The following AMBRA1 variants were observed in gnomAD, a reference collection of about 807,000 sequenced individuals.
AMBRA1 encodes activating molecule in BECN1-regulated autophagy protein 1.
Under a neutral mutation model 125.4 loss-of-function variants are expected in AMBRA1, and 47 were observed. That is an observed-to-expected ratio of 0.37 (90% CI 0.30 to 0.48). The LOEUF (loss-of-function observed/expected upper bound fraction) is 0.48. AMBRA1 is among the 20% of genes least tolerant of loss of function. The probability of loss-of-function intolerance (pLI) is 0.99; values close to 1 mark genes in which losing one functional copy is unlikely to be tolerated. For synonymous variants in AMBRA1, 626 were observed against 655.5 expected, an observed-to-expected ratio of 0.95 and a Z score of 0.69; for missense variants, 1,331 against 1,693.4, an observed-to-expected ratio of 0.79 and a Z score of 3.76.
intron 4 of AMBRA1, among the ~76,000 whole-genome samples, chr11:46,546,331 C>T (rs573881779): frequency 9.0e-4 from 137 of 152,228 alleles, no homozygotes; most frequent in Admixed American, 1.6e-3. Context: ...TGAGCCACCG[C>T]GCCCAGCCCA....
intron 1 of AMBRA1, among the ~76,000 whole-genome samples, chr11:46,553,842 G>A (rs1342995445): frequency 1.3e-5 from 2 of 152,004 alleles, no homozygotes; most frequent in Non-Finnish European, 2.9e-5. Context: ...ACAAATTCTA[G>A]CCTGTATCCT....
chr11:46,487,000 G>A (rs562941104), intron 11 of AMBRA1, among the ~76,000 whole-genome samples: 4 of 151,292 alleles, frequency 2.6e-5, no homozygotes, highest in Admixed American at 2.0e-4. Flanking sequence ...GCTAACACCT[G>A]TAATCCCAGC....
Position 46,397,727 on chromosome 11 carries a change from TG to T in AMBRA1, c.3619del (p.Gln1207SerfsTer20), listed in dbSNP as rs1945524802. 6.2e-7 allele frequency: 1 copy of T among 1,612,968 alleles called. No individual in the cohort carries two copies. Among genetic ancestry groups the T allele is most frequent in the African/African-American group, 1.3e-5 (1 of 74,876 alleles). On this transcript the variant is annotated frameshift_variant, in exon 18 of 18. Coordinates refer to ENST00000683756, the MANE Select transcript of AMBRA1 (RefSeq NM_001387011.1). LOFTEE classifies it high-confidence loss of function. ...GAGCAGTCCCCGAGAGGTGGAGGGC[TG>T]GGGTGAGGAGGTGTGGGCGGCACCA... ...EPGAAHTSSP[Q>X]PSTSRGLLPE...
Position 46,582,141 on chromosome 11 carries a change from T to C in AMBRA1, c.-121+11687A>G, listed in dbSNP as rs1279129270. Among the ~76,000 whole-genome samples, 3 of 151,838 alleles carry C rather than the reference T, an allele frequency of 2.0e-5. No individual in the cohort carries two copies. In the East Asian group the frequency reaches 5.8e-4, roughly 29 times the overall value. ...AAAAAAAAAAAAAAATTCGAAAGCC[T>C]TGACATAGTCCTGCCTAAGTCTCTA... On this transcript the variant is annotated intron_variant, in intron 1 of 17. Transcript: ENST00000683756.
rs769560850 is a variant in AMBRA1, at chr11:46,443,648, T to C, written c.2522-50A>G. The C allele has an allele frequency of 4.1e-6, 6 of 1,472,612 alleles. No homozygotes were observed. The African/African-American group carries it at 8.3e-5, about 20-fold the overall frequency. 91.2% of individuals were successfully genotyped at this position (1,472,612 alleles called of 1,614,324 possible). A position where few individuals can be genotyped will look rare whatever the true frequency, so the allele number is the denominator to read the frequency against. Reference sequence around the variant, plus strand: ...GCACATTATATTATTTATCCACGTTTCCACTGCAAAACATAAAACAATACT... The same window carrying C: ...GCACATTATATTATTTATCCACGTTCCCACTGCAAAACATAAAACAATACT... On this transcript the variant is annotated intron_variant, in intron 11 of 17. Coordinates refer to ENST00000683756, the MANE Select transcript of AMBRA1 (RefSeq NM_001387011.1).
chr11:46,414,599 C>G (rs1301781736), intron 15 of AMBRA1, among the ~76,000 whole-genome samples: 1 of 152,182 alleles, frequency 6.6e-6, no homozygotes, highest in African/African-American at 2.4e-5. Flanking sequence ...TAAGCAAGCA[C>G]CCCCTCATAT....
At chr11:46,538,001 G>C (rs1394654088) in intron 7 of AMBRA1, among the ~76,000 whole-genome samples, 4 of 152,188 alleles carry the variant, frequency 2.6e-5, no homozygotes, top group African/African-American at 9.7e-5. Context: ...CCTAGCAGCA[G>C]CAGCCCAACA....
At chr11:46,403,338 A>T (rs1463553422) in intron 17 of AMBRA1, among the ~76,000 whole-genome samples, 1 of 152,178 alleles carries the variant, frequency 6.6e-6, no homozygotes, top group Non-Finnish European at 1.5e-5. Flanking sequence ...TTCCTGGCCC[A>T]GGGCCCAGGC....
In AMBRA1 at chr11:46,397,574, A is replaced by G. The variant is rs1313383554; in HGVS notation, c.3773T>C (p.Val1258Ala). 6.3e-7 allele frequency: 1 copy of G among 1,583,350 alleles called. No homozygotes were observed. The highest frequency in any genetic ancestry group is 2.2e-5 in the East Asian group (1 of 44,474). The change falls in exon 18 of 18, where the codon GTT becomes GCT. Residue 1258 changes from valine (V) to alanine (A), a missense_variant. Physicochemically the swap from Val to Ala is moderately conservative, Grantham distance 64. Around this residue, in one of 4 missense-constraint regions of AMBRA1, gnomAD observed 144 missense variants for 133.9 expected, o/e 1.08. Coordinates refer to ENST00000683756, the MANE Select transcript of AMBRA1 (RefSeq NM_001387011.1). ...TGGTCCCTCAGCGCTGGGAAGGGAA[A>G]CAGGAATGGGGACAGGGGAGGAAGA... is the stretch of plus-strand genomic sequence containing the variant. ...LPSSSPVPIP[V>A]SLPSAEGPTL...
chr11:46,519,888 C>A (rs530761683), intron 7 of AMBRA1, among the ~76,000 whole-genome samples: 1 of 151,970 alleles, frequency 6.6e-6, no homozygotes, highest in Non-Finnish European at 1.5e-5. Flanking sequence ...GCCTGTAATC[C>A]CAGCACTTTG....
At chr11:46,550,295 C>T (rs949093676) in intron 1 of AMBRA1, among the ~76,000 whole-genome samples, 3 of 152,152 alleles carry the variant, frequency 2.0e-5, no homozygotes, top group African/African-American at 4.8e-5. Context: ...GGTGACAGTG[C>T]GTCACAGTTG....
intron 14 of AMBRA1, 119 bp downstream of exon 14, chr11:46,433,355 C>T: frequency 7.9e-7 from 1 of 1,262,312 alleles, no homozygotes; most frequent in South Asian, 1.8e-5. Context: ...CCCTTCCTTA[C>T]TCCTTATGAC....
At chr11:46,478,154 C>T (rs753528200) in intron 11 of AMBRA1, among the ~76,000 whole-genome samples, 1 of 152,158 alleles carries the variant, frequency 6.6e-6, no homozygotes, top group Non-Finnish European at 1.5e-5. Flanking sequence ...CAAGTAAAAG[C>T]TAAGTCCTAT....
intron 11 of AMBRA1, among the ~76,000 whole-genome samples, chr11:46,480,665 G>A (rs1950026301): frequency 6.6e-6 from 1 of 152,136 alleles, no homozygotes; most frequent in Non-Finnish European, 1.5e-5. Flanking sequence ...GATTATTGCT[G>A]AAGTTTAACC....
chr11:46,547,046 GA>G, intron 4 of AMBRA1, 66 bp downstream of exon 4: 2 of 1,467,440 alleles, frequency 1.4e-6, no homozygotes, highest in Non-Finnish European at 1.8e-6. Flanking sequence ...GCAACAGAGC[GA>G]GACTCCGTCT....
Position 46,408,404 on chromosome 11 carries a change from G to C in AMBRA1, c.3403+109C>G, listed in dbSNP as rs910714977. 8.1e-5 allele frequency: 97 copies of C among 1,200,150 alleles called. No individual in the cohort carries two copies. The African/African-American group carries it at 1.5e-3, about 18-fold the overall frequency. 74.3% of individuals were successfully genotyped at this position (1,200,150 alleles called of 1,614,324 possible). ...GCTGAGGAGGCTCTTAATGCCACCA[G>C]GTGGGCATCACCCAGACATGGGAGG... On this transcript the variant is annotated intron_variant, in intron 17 of 17. Coordinates refer to ENST00000683756, the MANE Select transcript of AMBRA1 (RefSeq NM_001387011.1).
chr11:46,578,402 G>A (rs2044039593), intron 1 of AMBRA1, among the ~76,000 whole-genome samples: 1 of 151,516 alleles, frequency 6.6e-6, no homozygotes, highest in Non-Finnish European at 1.5e-5. Flanking sequence ...CAACAGAGTT[G>A]CTTGAACCTG....
At chr11:46,556,855 G>A (rs1231723559) in intron 1 of AMBRA1, among the ~76,000 whole-genome samples, 1 of 152,156 alleles carries the variant, frequency 6.6e-6, no homozygotes, top group Non-Finnish European at 1.5e-5. Flanking sequence ...TGGTAATAAG[G>A]GCTGGTTGCG....
chr11:46,545,164 G>T (rs12574147), intron 5 of AMBRA1, among the ~76,000 whole-genome samples: 3 of 100,288 alleles, frequency 3.0e-5, no homozygotes, highest in Non-Finnish European at 4.4e-5. Flanking sequence ...AAAAAGCCGG[G>T]GGGGGGGGGG....
Sources: gnomAD v4.1 joint callset for allele counts (sites outside exome capture counted in the v4.1 genomes callset) on GRCh38, gnomAD v4.1.1 for gene constraint, gnomAD v4.1.1 regional missense constraint, MANE v1.5 for transcripts, NCBI Gene and HGNC (gene_info 2026-07-23, HGNC 2026-07-21) for gene names.